ROBO2: variants seen among roughly 807,000 people sequenced by gnomAD.
ROBO2 encodes roundabout guidance receptor 2, also known as roundabout homolog 2.
In ROBO2, 53 loss-of-function variants were observed where a neutral mutation model predicts 160.8. That is an observed-to-expected ratio of 0.33 (90% CI 0.26 to 0.41). The LOEUF (loss-of-function observed/expected upper bound fraction) is 0.41. ROBO2 is among the 10% of genes least tolerant of loss of function. The pLI is 1.00. For missense variants in ROBO2, 1,577 were observed against 1,722.4 expected (o/e 0.92, Z 1.49); for synonymous variants, 664 against 611.7 (o/e 1.09, Z -1.26).
At chr3:77,564,373 A>G (rs915551287) in intron 11 of ROBO2, 8 of 442,932 alleles carry the variant, frequency 1.8e-5, no homozygotes, top group Non-Finnish European at 3.6e-5. Flanking sequence ...AAATCACAAT[A>G]CTGTATAATG....
chr3:77,600,766 T>C (rs1364010135), intron 19 of ROBO2, among the ~76,000 whole-genome samples: 1 of 152,174 alleles, frequency 6.6e-6, no homozygotes, highest in Non-Finnish European at 1.5e-5. Context: ...ATAAAAATAA[T>C]ACTAACACTT....
At chr3:76,914,972 C>G (rs1277339511) in intron 2 of ROBO2, among the ~76,000 whole-genome samples, 1 of 152,138 alleles carries the variant, frequency 6.6e-6, no homozygotes, top group Non-Finnish European at 1.5e-5. Context: ...AAGAATGAAA[C>G]CTAATTCACC....
At chr3:76,910,286 A>G (rs1439584554) in intron 2 of ROBO2, among the ~76,000 whole-genome samples, 1 of 152,174 alleles carries the variant, frequency 6.6e-6, no homozygotes, top group Non-Finnish European at 1.5e-5. Context: ...AAACTAATAC[A>G]TCCTCAACAA....
intron 2 of ROBO2, among the ~76,000 whole-genome samples, chr3:76,001,984 C>G (rs931991293): frequency 2.0e-5 from 3 of 152,116 alleles, no homozygotes; most frequent in Admixed American, 1.3e-4. Flanking sequence ...GCACTATTGT[C>G]TTTTATAATT....
intron 2 of ROBO2, among the ~76,000 whole-genome samples, chr3:76,059,548 T>G (rs2067991345): frequency 2.0e-5 from 3 of 152,186 alleles, no homozygotes. Context: ...TTCTGGATAT[T>G]AGCCCTTTGT....
intron 2 of ROBO2, among the ~76,000 whole-genome samples, chr3:77,122,172 G>A (rs867525471): frequency 2.4e-4 from 37 of 152,142 alleles, no homozygotes; most frequent in Admixed American, 2.4e-3. Flanking sequence ...TTACTGAGAT[G>A]TAACTCTCTT....
chr3:76,977,033 A>G (rs1384181854), intron 2 of ROBO2, among the ~76,000 whole-genome samples: 1 of 152,168 alleles, frequency 6.6e-6, no homozygotes, highest in Admixed American at 6.5e-5. Flanking sequence ...TCCATTTGCT[A>G]TTCATGTTGG....
At chr3:76,329,618 C>T (rs544070107) in intron 2 of ROBO2, among the ~76,000 whole-genome samples, 4 of 152,330 alleles carry the variant, frequency 2.6e-5, no homozygotes, top group Admixed American at 6.5e-5. Context: ...GACTGTCTGA[C>T]CTGGTGCAGT....
At chr3:76,195,389 G>A (rs942705878) in intron 2 of ROBO2, among the ~76,000 whole-genome samples, 8 of 152,126 alleles carry the variant, frequency 5.3e-5, no homozygotes, top group African/African-American at 1.7e-4. Flanking sequence ...TGCAAAACCA[G>A]TGTTATTTAT....
chr3:76,198,312 C>T lies in ROBO2; in HGVS notation c.109+260710C>T, dbSNP rs551264466. 6.3e-4 allele frequency among the ~76,000 whole-genome samples: 96 copies of T among 152,230 alleles called. 1 individual carries two copies. The highest frequency in any genetic ancestry group is 6.2e-3 in the Admixed American group (95 of 15,280). On this transcript the variant is annotated intron_variant, in intron 2 of 26. Coordinates refer to the ROBO2 transcript ENST00000487694. ...CAGACATACCTCATCACACCCTCCT[C>T]CCTTTGGAATTTAGGCACAATTGAT...
intron 2 of ROBO2, among the ~76,000 whole-genome samples, chr3:76,096,374 A>C (rs190260762): frequency 6.6e-6 from 1 of 152,326 alleles, no homozygotes; most frequent in African/African-American, 2.4e-5. Context: ...CTTTAAAAAA[A>C]ATCTCCCCAG....
rs886787442 is a variant in ROBO2 at position 76,238,828 on chromosome 3, G to T, written c.109+301226G>T. On this transcript the variant is annotated intron_variant, in intron 2 of 26. Coordinates refer to the ROBO2 transcript ENST00000487694. ...GGGGATTATGGGGATTATAGTTCAA[G>T]ATGAGATTTGGGTGAGGACACAAAG... Among the ~76,000 whole-genome samples the T allele has an allele frequency of 3.3e-5, 5 of 152,234 alleles. No homozygotes were observed. The South Asian group carries it at 6.2e-4, about 19-fold the overall frequency.
At chr3:76,968,782 T>G (rs1324579036) in intron 2 of ROBO2, among the ~76,000 whole-genome samples, 2 of 152,202 alleles carry the variant, frequency 1.3e-5, no homozygotes, top group African/African-American at 4.8e-5. Flanking sequence ...TGATGGATAT[T>G]TTCAGCTAAA....
chr3:77,045,745 A>G (rs1254214182), intron 1 of ROBO2, among the ~76,000 whole-genome samples: 3 of 152,210 alleles, frequency 2.0e-5, no homozygotes, highest in Non-Finnish European at 4.4e-5. Context: ...TAATTACCCA[A>G]GAAAGAAACT....
At chr3:76,760,537 A>G (rs115816934) in intron 2 of ROBO2, among the ~76,000 whole-genome samples, 1 of 151,878 alleles carries the variant, frequency 6.6e-6, no homozygotes, top group East Asian at 2.0e-4. Flanking sequence ...GCAATCTGGG[A>G]TCTCCAGCTG....
chr3:76,468,521 G>T (rs1271159734), intron 2 of ROBO2, among the ~76,000 whole-genome samples: 5 of 152,034 alleles, frequency 3.3e-5, no homozygotes, highest in Non-Finnish European at 7.4e-5. Flanking sequence ...AAGAGCCTCA[G>T]TCTTTCTCTC....
intron 2 of ROBO2, among the ~76,000 whole-genome samples, chr3:76,597,373 AT>A (rs2086803622): frequency 6.6e-6 from 1 of 152,100 alleles, no homozygotes. Flanking sequence ...CAAAGGACTA[AT>A]ATTGAAGGTA....
chr3:76,954,033 C>T (rs539967403), intron 2 of ROBO2, among the ~76,000 whole-genome samples: 4 of 152,132 alleles, frequency 2.6e-5, no homozygotes, highest in Admixed American at 6.6e-5. Context: ...TGACTTACAA[C>T]GAAACGAGAG....
chr3:77,037,299 C>T (rs952992951), upstream of ROBO2, among the ~76,000 whole-genome samples: 4 of 152,044 alleles, frequency 2.6e-5, no homozygotes, highest in African/African-American at 9.7e-5. Flanking sequence ...AAGCAGAAAA[C>T]ATGGATTCCA....
Sources: gnomAD v4.1 joint callset for allele counts (sites outside exome capture counted in the v4.1 genomes callset) on GRCh38, gnomAD v4.1.1 for gene constraint, MANE v1.5 for transcripts, NCBI Gene and HGNC (gene_info 2026-07-23, HGNC 2026-07-21) for gene names.